The following PRKG2 variants were observed in gnomAD, a reference collection of about 807,000 sequenced individuals.
PRKG2 encodes the protein protein kinase cGMP-dependent 2.
PRKG2 carries 33 observed loss-of-function variants against 97.2 expected under a neutral mutation model. That is an observed-to-expected ratio of 0.34 (90% confidence interval 0.26 to 0.45). PRKG2 has a LOEUF of 0.45. Ranked by LOEUF, PRKG2 falls within the 20% of genes least tolerant of loss-of-function variation. The pLI is 1.00. For synonymous variants in PRKG2, 330 were observed against 321.8 expected, an observed-to-expected ratio of 1.03 and a Z score of -0.27; for missense variants, 638 against 900.0, an observed-to-expected ratio of 0.71 and a Z score of 3.73.
intron 14 of PRKG2, among the ~76,000 whole-genome samples, chr4:81,126,586 G>A (rs13226460): frequency 1.3e-5 from 2 of 152,112 alleles, no homozygotes; most frequent in African/African-American, 2.4e-5. Flanking sequence ...GCGTGAGCTG[G>A]TATCTCATTG....
chr4:81,119,836 G>A (rs1037337573), intron 14 of PRKG2, among the ~76,000 whole-genome samples: 11 of 151,894 alleles, frequency 7.2e-5, no homozygotes, highest in East Asian at 1.9e-4. Flanking sequence ...CACCATGCCC[G>A]GCTAATTTTT....
At chr4:81,155,368 G>C (rs1391549948) in intron 6 of PRKG2, among the ~76,000 whole-genome samples, 2 of 151,896 alleles carry the variant, frequency 1.3e-5, no homozygotes, top group Non-Finnish European at 2.9e-5. Flanking sequence ...AGCGAGAAGG[G>C]AAGTTTAGAG....
At chr4:81,111,375 T>C (rs917315715) in intron 14 of PRKG2, among the ~76,000 whole-genome samples, 3 of 150,926 alleles carry the variant, frequency 2.0e-5, no homozygotes, top group Admixed American at 2.0e-4. Context: ...TTCAGTGCAT[T>C]AGCAAAATGT....
intron 14 of PRKG2, among the ~76,000 whole-genome samples, chr4:81,113,005 GGTAA>G (rs1744137583): frequency 6.6e-6 from 1 of 151,824 alleles, no homozygotes; most frequent in African/African-American, 2.4e-5. Context: ...ATCTCAGTGA[GGTAA>G]GTAAGAGAGC....
intron 12 of PRKG2, among the ~76,000 whole-genome samples, chr4:81,138,505 CAT>C (rs1490406267): frequency 1.3e-5 from 2 of 151,824 alleles, no homozygotes; most frequent in Non-Finnish European, 2.9e-5. Flanking sequence ...TCTCAATGAA[CAT>C]ATATATTCAT....
At chr4:81,193,049 G>GT (rs1752682449) in intron 2 of PRKG2, 1 of 152,848 alleles carries the variant, frequency 6.5e-6, no homozygotes, top group African/African-American at 2.4e-5. Context: ...TTTGTTTTTT[G>GT]TTTTTTCCAG....
intron 1 of PRKG2, among the ~76,000 whole-genome samples, chr4:81,214,290 T>A (rs578055385): frequency 6.6e-6 from 1 of 152,136 alleles, no homozygotes; most frequent in Non-Finnish European, 1.5e-5. Flanking sequence ...CATGCGTTGC[T>A]TTTATTGTCA....
At chr4:81,116,467 A>C (rs111997057) in intron 14 of PRKG2, among the ~76,000 whole-genome samples, 16,765 of 152,064 alleles carry the variant, frequency 0.11, 1,691 homozygotes, top group East Asian at 0.4. Context: ...TGCTCTTGGG[A>C]ATAGTGCTGT....
intron 13 of PRKG2, 120 bp downstream of exon 13, chr4:81,137,273 C>G: frequency 1.3e-6 from 1 of 772,354 alleles, no homozygotes; most frequent in Non-Finnish European, 2.2e-6. Flanking sequence ...ACTATTACTA[C>G]TTTATTTTAT....
At chr4:81,119,055 T>A in intron 14 of PRKG2, among the ~76,000 whole-genome samples, 1 of 152,164 alleles carries the variant, frequency 6.6e-6, no homozygotes, top group Non-Finnish European at 1.5e-5. Context: ...ACTTGGCTTC[T>A]CAAAGTGCTA....
chr4:81,102,290 G>T (rs1376870552), intron 17 of PRKG2, among the ~76,000 whole-genome samples: 1 of 152,168 alleles, frequency 6.6e-6, no homozygotes, highest in Admixed American at 6.6e-5. Flanking sequence ...CTCAGGTAAA[G>T]AAGTAAAAGC....
intron 12 of PRKG2, among the ~76,000 whole-genome samples, chr4:81,137,938 C>T (rs1335310150): frequency 6.6e-6 from 1 of 152,092 alleles, no homozygotes; most frequent in East Asian, 1.9e-4. Flanking sequence ...GTTGGATTCC[C>T]CTGGAAATAG....
At position 81,137,492 on chromosome 4, in the gene PRKG2, C is replaced by T. The variant is rs1255352949; in HGVS notation, c.1545-10G>A. ...GAAAGTACGATATAATCTGTGAAGA[C>T]AGATAAAAACATGGTTATTATTGGA... On this transcript the variant is annotated splice_polypyrimidine_tract_variant and intron_variant, in intron 12 of 18. Coordinates refer to ENST00000264399, the MANE Select transcript of PRKG2 (RefSeq NM_006259.3). 11 of 1,584,952 alleles carry T rather than the reference C, an allele frequency of 6.9e-6. No homozygotes were observed. Among genetic ancestry groups the T allele is most frequent in the Non-Finnish European group, 9.5e-6 (11 of 1,156,276 alleles).
At chr4:81,199,608 A>AT (rs1753177476) in intron 2 of PRKG2, among the ~76,000 whole-genome samples, 1 of 152,186 alleles carries the variant, frequency 6.6e-6, no homozygotes, top group African/African-American at 2.4e-5. Flanking sequence ...TATTGTGAGG[A>AT]TTAAATGATT....
chr4:81,198,114 C>T (rs1753075189), intron 2 of PRKG2, among the ~76,000 whole-genome samples: 1 of 152,208 alleles, frequency 6.6e-6, no homozygotes, highest in Non-Finnish European at 1.5e-5. Context: ...AACAATTAGC[C>T]TTCAAATCCT....
chr4:81,189,817 C>T (rs1165019098), intron 2 of PRKG2, among the ~76,000 whole-genome samples: 3 of 151,944 alleles, frequency 2.0e-5, no homozygotes, highest in South Asian at 2.1e-4. Flanking sequence ...TGAGTGAACT[C>T]CCATTCACAA....
chr4:81,113,205 C>G (rs1744157251), intron 14 of PRKG2, among the ~76,000 whole-genome samples: 1 of 152,100 alleles, frequency 6.6e-6, no homozygotes, highest in Non-Finnish European at 1.5e-5. Flanking sequence ...GAAATAACTT[C>G]AGATTTTTTT....
chr4:81,191,064 C>G (rs900810096), intron 2 of PRKG2, among the ~76,000 whole-genome samples: 1 of 152,048 alleles, frequency 6.6e-6, no homozygotes, highest in African/African-American at 2.4e-5. Context: ...ACCATTTGAC[C>G]CAGCACACCC....
chr4:81,204,743 G>A lies in PRKG2; in HGVS notation c.305C>T (p.Pro102Leu). 2 of 1,614,160 alleles carry A rather than the reference G, an allele frequency of 1.2e-6. No homozygotes were observed. Among genetic ancestry groups the A allele is most frequent in the South Asian group, 1.1e-5 (1 of 91,082 alleles). Reference protein sequence around the residue: ...SPLQASPDKVPLEVHRKTSGL... With the variant: ...SPLQASPDKVLLEVHRKTSGL... ...AGAGGTCTTCCGGTGGACCTCAAGA[G>A]GCACTTTATCTGGAGAGGCCTGAAG... The change falls in exon 2 of 19, where the codon CCT becomes CTT. Residue 102 changes from proline to leucine, a missense_variant. Pro to Leu is a moderately conservative substitution (Grantham distance 98). Around this residue, in one of 3 missense-constraint regions of PRKG2, gnomAD observed 332 missense variants for 421.7 expected, o/e 0.79. Transcript: ENST00000264399.
Sources: gnomAD v4.1 joint callset for allele counts (sites outside exome capture counted in the v4.1 genomes callset) on GRCh38, gnomAD v4.1.1 for gene constraint, gnomAD v4.1.1 regional missense constraint, MANE v1.5 for transcripts, NCBI Gene and HGNC (gene_info 2026-07-23, HGNC 2026-07-21) for gene names.